TRMT11: variants seen among roughly 807,000 people sequenced by gnomAD.
The protein encoded by TRMT11 is tRNA (guanine(10)-N(2))-methyltransferase TRMT11.
Under a neutral mutation model 62.8 loss-of-function variants are expected in TRMT11, and 53 were observed. The observed-to-expected ratio is 0.84, with a 90% CI of 0.68 to 1.06. TRMT11 has a LOEUF of 1.06. Among genes scored for constraint, TRMT11 ranks in the 50% least tolerant of loss-of-function variants. The pLI, the probability that TRMT11 is intolerant of heterozygous loss-of-function variation, is 0.00. For missense variants in TRMT11, 556 were observed against 553.4 expected (o/e 1.00, Z -0.05); for synonymous variants, 188 against 190.3 (o/e 0.99, Z 0.10).
rs148249854 is a variant in TRMT11, at chr6:126,067,984, G to A, written c.*1437+14794G>A. ...TTTAAAATGTACAACTCTTTAGCAT[G>A]TTAGTTTTTATCATATCCACAGAAT... On this transcript the variant is annotated intron_variant and NMD_transcript_variant, in intron 17 of 22. Transcript: ENST00000648977. Among the ~76,000 whole-genome samples the A allele has an allele frequency of 9.2e-5, 14 of 152,216 alleles. No homozygotes were observed. The East Asian group carries it at 2.7e-3, about 29-fold the overall frequency.
chr6:126,148,261 A>G (rs929200066), intron 21 of TRMT11, among the ~76,000 whole-genome samples: 1 of 152,198 alleles, frequency 6.6e-6, no homozygotes, highest in Non-Finnish European at 1.5e-5. Context: ...CAAAGGACAC[A>G]TGGCTTCCTT....
chr6:126,027,007 C>T (rs1407108676), intron 12 of TRMT11, among the ~76,000 whole-genome samples: 2 of 151,688 alleles, frequency 1.3e-5, no homozygotes, highest in Admixed American at 6.6e-5. Context: ...GGGGTTTCAC[C>T]ATGTTAGCCA....
chr6:126,211,145 C>T, the TRMT11 span, among the ~76,000 whole-genome samples: 3 of 152,098 alleles, frequency 2.0e-5, no homozygotes, highest in Admixed American at 6.6e-5. Context: ...GATGATGACT[C>T]TTCTGGGGCA....
chr6:126,100,061 C>A (rs73773357), intron 17 of TRMT11, among the ~76,000 whole-genome samples: 15,214 of 152,090 alleles, frequency 0.1, 2,437 homozygotes, highest in African/African-American at 0.34. Flanking sequence ...AGACCATGCC[C>A]ACCGGTGACA....
At chr6:126,216,982 T>A in the TRMT11 span, among the ~76,000 whole-genome samples, 1 of 152,236 alleles carries the variant, frequency 6.6e-6, no homozygotes, top group Non-Finnish European at 1.5e-5. Flanking sequence ...CCTATCAAGC[T>A]TACTAATTCT....
intron 1 of TRMT11, among the ~76,000 whole-genome samples, chr6:126,181,862 A>T (rs1778470871): frequency 6.6e-6 from 1 of 152,142 alleles, no homozygotes; most frequent in Admixed American, 6.6e-5. Flanking sequence ...TTCCTTTATT[A>T]ATTCTATTAT....
chr6:126,071,295 A>T (rs17053767), intron 17 of TRMT11, among the ~76,000 whole-genome samples: 1 of 151,660 alleles, frequency 6.6e-6, no homozygotes, highest in African/African-American at 2.4e-5. Context: ...AAAAGTCGAC[A>T]TCGTGTTTTA....
chr6:126,070,721 A>G (rs912547565), intron 17 of TRMT11, among the ~76,000 whole-genome samples: 1 of 152,242 alleles, frequency 6.6e-6, no homozygotes, highest in Non-Finnish European at 1.5e-5. Context: ...AGCACCATGT[A>G]TTCAGCATTT....
intron 7 of TRMT11, among the ~76,000 whole-genome samples, chr6:126,001,920 CGAT>C (rs1222446147): frequency 4.6e-5 from 7 of 151,932 alleles, no homozygotes; most frequent in African/African-American, 9.7e-5. Context: ...TTTTTAACCC[CGAT>C]GGTCTATAAT....
Position 125,998,248 on chromosome 6 carries a change from C to A in TRMT11, c.320C>A (p.Thr107Lys), listed in dbSNP as rs958060435. Residue 107 changes from threonine (T) to lysine (K), a missense_variant, in exon 5 of 13, where the codon ACA becomes AAA. Transcript: ENST00000334379. ...GTTCCATTTCTACATTCGGACTCTA[C>A]ATATAAAATAAAGATTCACACTTTT... Reference protein sequence around the residue: ...KMVPFLHSDSTYKIKIHTFNK... With the variant: ...KMVPFLHSDSKYKIKIHTFNK... The A allele has an allele frequency of 3.1e-6, 5 of 1,600,098 alleles. No individual in the cohort carries two copies. The Admixed American group carries it at 6.7e-5, about 21-fold the overall frequency.
At chr6:126,138,124 A>G (rs2128212186) in intron 21 of TRMT11, among the ~76,000 whole-genome samples, 1 of 152,090 alleles carries the variant, frequency 6.6e-6, no homozygotes, top group Non-Finnish European at 1.5e-5. Context: ...TAATGTTCCC[A>G]TCACAAAGAA....
chr6:126,041,199 A>C (rs932893626), downstream of TRMT11, among the ~76,000 whole-genome samples: 2 of 152,120 alleles, frequency 1.3e-5, no homozygotes, highest in East Asian at 1.9e-4. Flanking sequence ...CAACAACAAC[A>C]ACCTTATTTC....
Position 126,011,325 on chromosome 6 carries a change from G to A in TRMT11, c.833G>A (p.Gly278Asp), listed in dbSNP as rs1028612617. The change falls in exon 9 of 13, where the codon GGT becomes GAT. Residue 278 changes from glycine (G) to aspartate (D), a missense_variant. Physicochemically the swap from Gly to Asp is moderately conservative, Grantham distance 94. Transcript: ENST00000334379. ...ENIRANLRQY[G>D]LEKYYLDVLV... is the part of the protein sequence containing the mutation. ...ATTAGGGCCAATCTTCGTCAATATGGTTTAGAGAAGTATTACCTTGATGTC... is the reference window on the plus strand; with the variant it reads ...ATTAGGGCCAATCTTCGTCAATATGATTTAGAGAAGTATTACCTTGATGTC... The A allele has an allele frequency of 4.3e-6, 7 of 1,613,270 alleles. No individual in the cohort carries two copies. The highest frequency in any genetic ancestry group is 5.9e-6 in the Non-Finnish European group (7 of 1,179,586).
the TRMT11 span, among the ~76,000 whole-genome samples, chr6:126,231,560 G>T: frequency 6.6e-6 from 1 of 152,158 alleles, no homozygotes; most frequent in Non-Finnish European, 1.5e-5. Flanking sequence ...GTTATTTGCA[G>T]ATTTTCAACC....
the TRMT11 span, among the ~76,000 whole-genome samples, chr6:126,249,369 A>G: frequency 6.6e-6 from 1 of 152,084 alleles, no homozygotes; most frequent in African/African-American, 2.4e-5. Context: ...ACAGCAAGTT[A>G]ATGACAAGGA....
At position 126,151,052 on chromosome 6, in the gene TRMT11, T is replaced by G. The variant is rs181499251; in HGVS notation, c.*1824-23773T>G. Among the ~76,000 whole-genome samples the G allele has an allele frequency of 5.7e-4, 87 of 152,330 alleles. 2 individuals carry two copies. Among genetic ancestry groups the G allele is most frequent in the Middle Eastern group, 6.8e-3 (2 of 294 alleles). The stretch of plus-strand genomic sequence containing the variant: ...AAGAAAGGACTTTAATTTATTAGAA[T>G]TATTAGTTCTCATTTTCTACCTGTT... On this transcript the variant is annotated intron_variant and NMD_transcript_variant, in intron 21 of 22. Coordinates refer to the TRMT11 transcript ENST00000648977.
the TRMT11 span, among the ~76,000 whole-genome samples, chr6:126,241,443 A>G: frequency 1.3e-5 from 2 of 152,208 alleles, no homozygotes; most frequent in Non-Finnish European, 2.9e-5. Context: ...AACTCATTTT[A>G]TGAGGCCAGC....
chr6:126,043,282 C>T (rs1329476859), downstream of TRMT11, among the ~76,000 whole-genome samples: 1 of 146,994 alleles, frequency 6.8e-6, no homozygotes, highest in Non-Finnish European at 1.5e-5. Context: ...CAATTCCCAC[C>T]TATGAGTGAG....
downstream of TRMT11, chr6:126,202,367 A>G (rs1179364843): frequency 6.6e-6 from 1 of 152,242 alleles, no homozygotes; most frequent in African/African-American, 2.4e-5. Context: ...TCAATGGGTT[A>G]GTCAGAATTT....
Sources: allele counts gnomAD v4.1 joint callset (sites outside exome capture counted in the v4.1 genomes callset), GRCh38; gene constraint gnomAD v4.1.1; transcripts MANE v1.5; gene names NCBI Gene and HGNC (gene_info 2026-07-23, HGNC 2026-07-21).